Variants in NPBWR2 observed in about 807,000 individuals in gnomAD.
NPBWR2 encodes the protein neuropeptides B and W receptor 2, also known as neuropeptides B/W receptor type 2.
For synonymous variants in NPBWR2, 207 were observed against 223.5 expected (o/e 0.93, Z 0.66); for missense variants, 390 against 458.2 (o/e 0.85, Z 1.36).
rs749477865 is a variant in NPBWR2 at position 64,107,365 on chromosome 20, T to C, written c.-93A>G. On this transcript the variant is annotated splice_region_variant and 5_prime_UTR_variant, in exon 1 of 2. Transcript: ENST00000684052. This position sits in a 1 kb window ranked among gnomAD's most constrained non-coding sequence, Gnocchi z 6.3. ...CCAGCTACTCTTCTCTCCACTGACC[T>C]GTCCAGTGCTTCGAGTCCAGAAGTT... is the stretch of plus-strand genomic sequence containing the variant. Among the ~76,000 whole-genome samples the C allele has an allele frequency of 2.6e-5, 4 of 152,200 alleles. No homozygotes were observed. The highest frequency in any genetic ancestry group is 5.9e-5 in the Non-Finnish European group (4 of 68,018).
rs1239863685 is a variant in NPBWR2 at position 64,105,525 on chromosome 20, ATGGGGGTGATGG to A, written c.*293_*304del. Among the ~76,000 whole-genome samples the A allele has an allele frequency of 3.7e-4, 10 of 27,324 alleles. No individual in the cohort carries two copies. The highest frequency in any genetic ancestry group is 2.3e-3 in the African/African-American group (10 of 4,402). 17.9% of individuals were successfully genotyped at this position (27,324 alleles called of 152,430 possible). On this transcript the variant is annotated 3_prime_UTR_variant, in exon 2 of 2. Coordinates refer to ENST00000684052, the MANE Select transcript of NPBWR2 (RefSeq NM_005286.4). ...GAACTGGGTGGGGGTGGGCGTGATG[ATGGGGGTGATGG>A]TGGGGGTGGTGGGGGGGGTGGGCGT...
chr20:64,106,924 T>C lies in NPBWR2; in HGVS notation c.-91-2A>G, dbSNP rs1601667815. The C allele has an allele frequency of 9.6e-6, 14 of 1,454,322 alleles. No homozygotes were observed. In the East Asian group the frequency reaches 3.2e-4, roughly 33 times the overall value. 90.1% of individuals were successfully genotyped at this position (1,454,322 alleles called of 1,614,324 possible). A position where few individuals can be genotyped will look rare whatever the true frequency, so the allele number is the denominator to read the frequency against. On this transcript the variant is annotated splice_acceptor_variant, in intron 1 of 1. Transcript: ENST00000684052. LOFTEE classifies it low-confidence loss of function (5UTR_SPLICE). This position sits in a 1 kb window ranked among gnomAD's most constrained non-coding sequence, Gnocchi z 9.5. ...TTGGGGGCCTCCTTGGGCTGGATTC[T>C]AGGAAAGAAAAACAACCAGAGACTT...
rs1164019496 is a variant in NPBWR2 at position 64,105,962 on chromosome 20, C to G, written c.870G>C (p.Gln290His). Residue 290 changes from glutamine (Q) to histidine (H), a missense_variant, in exon 2 of 2, where the codon CAG becomes CAC. Coordinates refer to ENST00000684052, the MANE Select transcript of NPBWR2 (RefSeq NM_005286.4). Reference sequence around the variant, plus strand: ...AGGACATACTGATGACCAGTGGGGTCTGGGGCAGGTCCGTGGTCAGGGCCA... The same window carrying G: ...AGGACATACTGATGACCAGTGGGGTGTGGGGCAGGTCCGTGGTCAGGGCCA... ...SVVALTTDLP[Q>H]TPLVISMSYV... 6.2e-7 allele frequency: 1 copy of G among 1,612,774 alleles called. No homozygotes were observed. Among genetic ancestry groups the G allele is most frequent in the Admixed American group, 1.7e-5 (1 of 59,998 alleles).
rs1296234808 is a variant in NPBWR2, at chr20:64,107,210, C to T, written c.-92+154G>A. On this transcript the variant is annotated intron_variant, in intron 1 of 1. Coordinates refer to ENST00000684052, the MANE Select transcript of NPBWR2 (RefSeq NM_005286.4). This position sits in a 1 kb window ranked among gnomAD's most constrained non-coding sequence, Gnocchi z 6.3. ...GATGCACGGGCTGCGTAGAATCAAGCGGTCCCTTTGGAAACACACCTCCCA... is the reference window on the plus strand; with the variant it reads ...GATGCACGGGCTGCGTAGAATCAAGTGGTCCCTTTGGAAACACACCTCCCA... 1.4e-5 allele frequency: 4 copies of T among 291,232 alleles called. No homozygotes were observed. Among genetic ancestry groups the T allele is most frequent in the Admixed American group, 4.7e-5 (1 of 21,178 alleles). The allele number at this position is 291,232 out of a possible 1,614,324, so 18.0% of individuals were successfully genotyped here.
At position 64,106,125 on chromosome 20, in the gene NPBWR2, A is replaced by G. The variant is rs1980025444; in HGVS notation, c.707T>C (p.Leu236Pro). The G allele has an allele frequency of 6.2e-7, 1 of 1,612,116 alleles. No individual in the cohort carries two copies. Among genetic ancestry groups the G allele is most frequent in the African/African-American group, 1.3e-5 (1 of 74,902 alleles). Residue 236 changes from leucine to proline, a missense_variant, in exon 2 of 2, where the codon CTG (leucine) becomes CCG (proline). Physicochemically the swap from Leu to Pro is moderately conservative, Grantham distance 98. Coordinates refer to ENST00000684052, the MANE Select transcript of NPBWR2 (RefSeq NM_005286.4). This position sits in a 1 kb window ranked among gnomAD's most constrained non-coding sequence, Gnocchi z 9.5. ...CTICVLYTDL[L>P]RRLRAVRLRS... is the part of the protein sequence containing the mutation. ...GAGCCGCACGGCCCGCAGCCTGCGC[A>G]GGAGGTCTGTGTAGAGCACACAGAT...
chr20:64,107,108 C>T lies in NPBWR2; in HGVS notation c.-91-186G>A, dbSNP rs1980081017. The T allele has an allele frequency of 3.6e-6, 2 of 560,360 alleles. No homozygotes were observed. Among genetic ancestry groups the T allele is most frequent in the Admixed American group, 3.2e-5 (1 of 31,654 alleles). The allele number at this position is 560,360 out of a possible 1,614,324, so 34.7% of individuals were successfully genotyped here. On this transcript the variant is annotated intron_variant, in intron 1 of 1. Transcript: ENST00000684052. This position sits in a 1 kb window ranked among gnomAD's most constrained non-coding sequence, Gnocchi z 6.3. ...TGGTGAGACTTCAGCAGATCAGTTC[C>T]CTCCTCCCGCAGAGAGCAGCTGCTG...
chr20:64,106,026 C>T lies in NPBWR2; in HGVS notation c.806G>A (p.Cys269Tyr), dbSNP rs1250791281. ...GTGGAAGGGCGTCCAGCAGAGGAGG[C>T]ACACGGCCAGCACGACGAGGACCAG... ...TVLVLVVLAV[C>Y]LLCWTPFHLA... The change falls in exon 2 of 2, where the codon TGC (cysteine) becomes TAC (tyrosine). Residue 269 changes from cysteine (C) to tyrosine (Y), a missense_variant. Coordinates refer to ENST00000684052, the MANE Select transcript of NPBWR2 (RefSeq NM_005286.4). The surrounding 1 kb of genome is among the most constrained non-coding windows in gnomAD (Gnocchi z 9.5). The T allele has an allele frequency of 1.2e-6, 2 of 1,611,360 alleles. No individual in the cohort carries two copies. Among genetic ancestry groups the T allele is most frequent in the Non-Finnish European group, 8.5e-7 (1 of 1,179,638 alleles).
In NPBWR2 at chr20:64,106,402, G is replaced by C; in HGVS notation, c.430C>G (p.Leu144Val). 1 of 1,612,792 alleles carries C rather than the reference G, an allele frequency of 6.2e-7. No homozygotes were observed. The highest frequency in any genetic ancestry group is 1.3e-5 in the African/African-American group (1 of 75,062). The change falls in exon 2 of 2, where the codon CTG becomes GTG. Residue 144 changes from leucine (L) to valine (V), a missense_variant. Physicochemically the swap from Leu to Val is conservative, Grantham distance 32. Coordinates refer to ENST00000684052, the MANE Select transcript of NPBWR2 (RefSeq NM_005286.4). This position sits in a 1 kb window ranked among gnomAD's most constrained non-coding sequence, Gnocchi z 9.5. ...FLAVMSVDRY[L>V]VVLATVRSRH... ...GACCTCACGGTGGCCAGCACCACCAGGTATCGGTCCACGCTCATCACGGCT... is the reference window on the plus strand; with the variant it reads ...GACCTCACGGTGGCCAGCACCACCACGTATCGGTCCACGCTCATCACGGCT...
Position 64,106,584 on chromosome 20 carries a change from A to C in NPBWR2, c.248T>G (p.Phe83Cys), listed in dbSNP as rs772089324. The part of the protein sequence containing the change: ...APKMKTVTNV[F>C]ILNLAVADGL... ...GTCGGCGACGGCCAGGTTCAGGATGAACACGTTGGTCACCGTCTTCATCTT... is the reference window on the plus strand; with the variant it reads ...GTCGGCGACGGCCAGGTTCAGGATGCACACGTTGGTCACCGTCTTCATCTT... The change falls in exon 2 of 2, where the codon TTC (phenylalanine) becomes TGC (cysteine). Residue 83 changes from phenylalanine (F) to cysteine (C), a missense_variant. By Grantham distance (205) the Phe-to-Cys change is radical. Transcript: ENST00000684052. The surrounding 1 kb of genome is among the most constrained non-coding windows in gnomAD (Gnocchi z 9.5). 6.2e-7 allele frequency: 1 copy of C among 1,611,900 alleles called. No individual in the cohort carries two copies. Among genetic ancestry groups the C allele is most frequent in the Non-Finnish European group, 8.5e-7 (1 of 1,179,958 alleles).
rs998523370 is a variant in NPBWR2 at position 64,103,940 on chromosome 20, G to A, written c.*1890C>T. Among the ~76,000 whole-genome samples, 1 of 152,260 alleles carries A rather than the reference G, an allele frequency of 6.6e-6. No individual in the cohort carries two copies. The highest frequency in any genetic ancestry group is 1.5e-5 in the Non-Finnish European group (1 of 68,044). ...GCACTGCTGCAGGCCTGAGCCGAGT[G>A]GGCTGGAACGCTGGAGTATTTGGTG... is the stretch of plus-strand genomic sequence containing the variant. On this transcript the variant is annotated 3_prime_UTR_variant, in exon 2 of 2. Transcript: ENST00000684052.
In NPBWR2 at chr20:64,104,937, A is replaced by G. The variant is rs147961112; in HGVS notation, c.*893T>C. Among the ~76,000 whole-genome samples the G allele has an allele frequency of 0.035, 4,030 of 113,828 alleles. 558 individuals carry two copies. Among genetic ancestry groups the G allele is most frequent in the Non-Finnish European group, 0.05 (2,464 of 48,914 alleles). The allele number at this position is 113,828 out of a possible 152,430, so 74.7% of individuals were successfully genotyped here. A position where few individuals can be genotyped will look rare whatever the true frequency, so the allele number is the denominator to read the frequency against. On this transcript the variant is annotated 3_prime_UTR_variant, in exon 2 of 2. Transcript: ENST00000684052. ...CAGCAGGGCGGGTACAGGCCATGGC[A>G]AGGACCGTCGGCCACAGCAGGGGGA...
chr20:64,106,509 T>C lies in NPBWR2; in HGVS notation c.323A>G (p.Gln108Arg), dbSNP rs1980050447. The C allele has an allele frequency of 6.2e-7, 1 of 1,612,400 alleles. No homozygotes were observed. The highest frequency in any genetic ancestry group is 1.7e-5 in the Admixed American group (1 of 59,992). The stretch of plus-strand genomic sequence containing the variant: ...GAGCAGCTCCCCGAAGGGCCAGTAC[T>C]GCAGCAGGTGCTCCGCGATGTTGAC... ...LPVNIAEHLL[Q>R]YWPFGELLCK... is the part of the protein sequence containing the mutation. Residue 108 changes from glutamine (Q) to arginine (R), a missense_variant, in exon 2 of 2, where the codon CAG becomes CGG. Gln to Arg is a conservative substitution (Grantham distance 43). Transcript: ENST00000684052. This position sits in a 1 kb window ranked among gnomAD's most constrained non-coding sequence, Gnocchi z 9.5.
chr20:64,105,353 G>A lies in NPBWR2; in HGVS notation c.*477C>T, dbSNP rs1012590527. Among the ~76,000 whole-genome samples, 1 of 150,352 alleles carries A rather than the reference G, an allele frequency of 6.7e-6. No individual in the cohort carries two copies. Among genetic ancestry groups the A allele is most frequent in the Non-Finnish European group, 1.5e-5 (1 of 67,690 alleles). ...GATCCCTGCTGCTGTCCACCCAGGGGCTGTCCAGGAAGCAGAGACATGGGA... is the reference window on the plus strand; with the variant it reads ...GATCCCTGCTGCTGTCCACCCAGGGACTGTCCAGGAAGCAGAGACATGGGA... On this transcript the variant is annotated 3_prime_UTR_variant, in exon 2 of 2. Coordinates refer to ENST00000684052, the MANE Select transcript of NPBWR2 (RefSeq NM_005286.4).
chr20:64,106,650 G>A lies in NPBWR2; in HGVS notation c.182C>T (p.Thr61Ile). ...VYSGICAVGL[T>I]GNTAVILVIL... ...TACAAGGATGACGGCCGTGTTGCCA[G>A]TCAGCCCCACAGCACAGATCCCGGA... Residue 61 changes from threonine (T) to isoleucine (I), a missense_variant, in exon 2 of 2, where the codon ACT (threonine) becomes ATT (isoleucine). Transcript: ENST00000684052. The surrounding 1 kb of genome is among the most constrained non-coding windows in gnomAD (Gnocchi z 9.5). 1.2e-6 allele frequency: 2 copies of A among 1,612,750 alleles called. No individual in the cohort carries two copies. Among genetic ancestry groups the A allele is most frequent in the African/African-American group, 1.3e-5 (1 of 75,060 alleles).
chr20:64,105,133 C>A lies in NPBWR2; in HGVS notation c.*697G>T, dbSNP rs34039059. Among the ~76,000 whole-genome samples the A allele has an allele frequency of 6.6e-6, 1 of 152,036 alleles. No individual in the cohort carries two copies. The highest frequency in any genetic ancestry group is 2.4e-5 in the African/African-American group (1 of 41,388). On this transcript the variant is annotated 3_prime_UTR_variant, in exon 2 of 2. Transcript: ENST00000684052. ...GCCTGAGGTGCCCGCACTTACCACC[C>A]CCCGGCCCCATCTTGGGGAGAGACT...
Position 64,105,955 on chromosome 20 carries a change from GT to G in NPBWR2, c.876del (p.Leu293TrpfsTer19). ...VALTTDLPQT[P>X]LVISMSYVIT... ...ATGACGTAGGACATACTGATGACCA[GT>G]GGGGTCTGGGGCAGGTCCGTGGTCA... On this transcript the variant is annotated frameshift_variant, in exon 2 of 2. Coordinates refer to ENST00000684052, the MANE Select transcript of NPBWR2 (RefSeq NM_005286.4). LOFTEE classifies it low-confidence loss of function (END_TRUNC). The G allele has an allele frequency of 6.2e-7, 1 of 1,612,874 alleles. No individual in the cohort carries two copies. Among genetic ancestry groups the G allele is most frequent in the Non-Finnish European group, 8.5e-7 (1 of 1,179,868 alleles).
At position 64,106,506 on chromosome 20, in the gene NPBWR2, T is replaced by C. The variant is rs535564502; in HGVS notation, c.326A>G (p.Tyr109Cys). 1.2e-6 allele frequency: 2 copies of C among 1,612,470 alleles called. No homozygotes were observed. Among genetic ancestry groups the C allele is most frequent in the African/African-American group, 1.3e-5 (1 of 74,908 alleles). Residue 109 changes from tyrosine to cysteine, a missense_variant, in exon 2 of 2, where the codon TAC (tyrosine) becomes TGC (cysteine). Tyr to Cys is a radical substitution (Grantham distance 194, BLOSUM62 -2). Transcript: ENST00000684052. This position sits in a 1 kb window ranked among gnomAD's most constrained non-coding sequence, Gnocchi z 9.5. The stretch of plus-strand genomic sequence containing the variant: ...GCAGAGCAGCTCCCCGAAGGGCCAG[T>C]ACTGCAGCAGGTGCTCCGCGATGTT... ...PVNIAEHLLQ[Y>C]WPFGELLCKL...
Position 64,107,150 on chromosome 20 carries a change from G to A in NPBWR2, c.-92+214C>T, listed in dbSNP as rs942875857. Reference sequence around the variant, plus strand: ...CAGCTGCTGGCCACCCTCCTGGGAAGAGATGTGGATCCGTCCCTGCCCCAG... The same window carrying A: ...CAGCTGCTGGCCACCCTCCTGGGAAAAGATGTGGATCCGTCCCTGCCCCAG... On this transcript the variant is annotated intron_variant, in intron 1 of 1. Transcript: ENST00000684052. This position sits in a 1 kb window ranked among gnomAD's most constrained non-coding sequence, Gnocchi z 6.3. 23 of 481,488 alleles carry A rather than the reference G, an allele frequency of 4.8e-5. No individual in the cohort carries two copies. Among genetic ancestry groups the A allele is most frequent in the Admixed American group, 7.0e-5 (2 of 28,380 alleles). The allele number at this position is 481,488 out of a possible 1,614,324, so 29.8% of individuals were successfully genotyped here.
rs1979973440 is a variant in NPBWR2, at chr20:64,105,673, GCGTGATGAT to G, written c.*148_*156del. 2 of 411,966 alleles carry G rather than the reference GCGTGATGAT, an allele frequency of 4.9e-6. No homozygotes were observed. The highest frequency in any genetic ancestry group is 3.5e-5 in the African/African-American group (1 of 28,700). The allele number at this position is 411,966 out of a possible 1,614,324, so 25.5% of individuals were successfully genotyped here. ...GTGATGGGGGTGGGCATGATGATGGGCGTGATGATGGGGGTGGTGGTGGGGGTGATGGTG... is the reference window on the plus strand; with the variant it reads ...GTGATGGGGGTGGGCATGATGATGGGGGGGGTGGTGGTGGGGGTGATGGTG... On this transcript the variant is annotated 3_prime_UTR_variant, in exon 2 of 2. Coordinates refer to ENST00000684052, the MANE Select transcript of NPBWR2 (RefSeq NM_005286.4).
Sources: gnomAD v4.1 joint callset for allele counts (sites outside exome capture counted in the v4.1 genomes callset) on GRCh38, gnomAD v4.1.1 for gene constraint, Gnocchi (gnomAD v3.1) non-coding constraint, MANE v1.5 for transcripts, NCBI Gene and HGNC (gene_info 2026-07-23, HGNC 2026-07-21) for gene names.